Variants in ACACA observed in about 807,000 individuals in gnomAD.
ACACA encodes acetyl-CoA carboxylase 1.
ACACA carries 103 observed loss-of-function variants against 296.1 expected under a neutral mutation model. The ratio of observed to expected loss-of-function variants is 0.35; its 90% CI spans 0.30 to 0.41. The LOEUF is 0.41. ACACA is among the 10% of genes least tolerant of loss of function. ACACA has a pLI of 1.00. For synonymous variants in ACACA, 953 were observed against 1,038.6 expected, an observed-to-expected ratio of 0.92 and a Z score of 1.58; for missense variants, 1,554 against 2,989.7, an observed-to-expected ratio of 0.52 and a Z score of 11.20.
At chr17:37,398,105 C>T (rs1418985751) in intron 1 of ACACA, among the ~76,000 whole-genome samples, 3 of 151,060 alleles carry the variant, frequency 2.0e-5, no homozygotes, top group African/African-American at 7.3e-5. Flanking sequence ...TGGCGCGCGC[C>T]TGTACTCCCA....
intron 35 of ACACA, among the ~76,000 whole-genome samples, chr17:37,198,865 G>C (rs1397786460): frequency 2.6e-5 from 4 of 152,214 alleles, no homozygotes; most frequent in Non-Finnish European, 4.4e-5. Context: ...AGTTTAGAAA[G>C]TCCTTTCCAG....
intron 3 of ACACA, among the ~76,000 whole-genome samples, chr17:37,317,327 C>T (rs895878633): frequency 3.3e-5 from 5 of 151,786 alleles, no homozygotes; most frequent in South Asian, 2.1e-4. Context: ...CGGTGGCTGA[C>T]GCCTGTAATC....
At chr17:37,094,706 C>T (rs918100703) in intron 54 of ACACA, among the ~76,000 whole-genome samples, 2 of 152,022 alleles carry the variant, frequency 1.3e-5, no homozygotes, top group African/African-American at 4.8e-5. Context: ...TCACACTAAA[C>T]TAGGTCCTGC....
chr17:37,203,085 C>T (rs1358474441), intron 33 of ACACA, among the ~76,000 whole-genome samples: 1 of 151,900 alleles, frequency 6.6e-6, no homozygotes, highest in Non-Finnish European at 1.5e-5. Context: ...CCTTAGCCAC[C>T]CGAGTAGCTG....
chr17:37,178,866 A>G (rs1373500283), intron 41 of ACACA, among the ~76,000 whole-genome samples: 1 of 152,134 alleles, frequency 6.6e-6, no homozygotes, highest in African/African-American at 2.4e-5. Flanking sequence ...AGGGAAAATA[A>G]TCTATTTTCA....
intron 1 of ACACA, among the ~76,000 whole-genome samples, chr17:37,363,646 C>T (rs185596818): frequency 6.6e-6 from 1 of 152,226 alleles, no homozygotes; most frequent in Admixed American, 6.5e-5. Context: ...TCTCTCAAGT[C>T]AGGTTTGAGT....
In ACACA at chr17:37,382,845, C is replaced by A. The variant is rs141162910; in HGVS notation, c.38+23417G>T. On this transcript the variant is annotated intron_variant, in intron 1 of 55. Transcript: ENST00000616317. ...ACTGCACTCCAGCCTGGCGACAGAG[C>A]GAGACTCTGTCTCAAAAAACAAAAC... is the stretch of plus-strand genomic sequence containing the variant. 4.7e-3 allele frequency among the ~76,000 whole-genome samples: 718 copies of A among 151,916 alleles called. 7 individuals are homozygous for A. Among genetic ancestry groups the A allele is most frequent in the African/African-American group, 0.017 (687 of 41,418 alleles).
At chr17:37,339,914 GT>G in intron 1 of ACACA, 64 bp from the exon 2 acceptor site, 1 of 836,432 alleles carries the variant, frequency 1.2e-6, no homozygotes, top group South Asian at 1.5e-5. Flanking sequence ...GTCAATTCCT[GT>G]TTTGCTCAGC....
chr17:37,270,347 C>G (rs1235296524), intron 10 of ACACA, among the ~76,000 whole-genome samples: 1 of 152,146 alleles, frequency 6.6e-6, no homozygotes, highest in Non-Finnish European at 1.5e-5. Context: ...CCAAGAGCAA[C>G]CATATCAGTA....
At chr17:37,377,906 A>C (rs2050078849) in intron 1 of ACACA, 1 of 1,612,014 alleles carries the variant, frequency 6.2e-7, no homozygotes, top group Non-Finnish European at 8.5e-7. Context: ...TGCCGACTGG[A>C]ACAGCTGCCT....
intron 3 of ACACA, among the ~76,000 whole-genome samples, chr17:37,317,883 G>C (rs1334311921): frequency 6.6e-6 from 1 of 152,144 alleles, no homozygotes. Flanking sequence ...GGGAGGATGG[G>C]AGATGGAAAG....
chr17:37,183,200 C>T (rs1010278483), intron 39 of ACACA, among the ~76,000 whole-genome samples: 10 of 152,106 alleles, frequency 6.6e-5, no homozygotes, highest in Admixed American at 6.5e-4. Flanking sequence ...TTTGGCCAAG[C>T]TTTGTGATGA....
chr17:37,305,588 C>T (rs531261790), intron 3 of ACACA, among the ~76,000 whole-genome samples: 1 of 152,330 alleles, frequency 6.6e-6, no homozygotes, highest in East Asian at 1.9e-4. Context: ...TATCATGTCT[C>T]TTCTGTGCAT....
intron 5 of ACACA, among the ~76,000 whole-genome samples, chr17:37,282,744 A>G (rs932502871): frequency 6.6e-6 from 1 of 152,210 alleles, no homozygotes; most frequent in Non-Finnish European, 1.5e-5. Flanking sequence ...TCTTTCAGCT[A>G]TACCAACAGT....
At chr17:37,226,948 G>T (rs922957619) in intron 25 of ACACA, among the ~76,000 whole-genome samples, 1 of 151,680 alleles carries the variant, frequency 6.6e-6, no homozygotes. Flanking sequence ...AGAAACACAA[G>T]AATAAATTAT....
At chr17:37,202,000 T>C (rs2145285532) in intron 33 of ACACA, among the ~76,000 whole-genome samples, 1 of 152,294 alleles carries the variant, frequency 6.6e-6, no homozygotes, top group South Asian at 2.1e-4. Context: ...AGGCCAAATA[T>C]AAATAAATTT....
chr17:37,316,321 A>C (rs915395909), intron 3 of ACACA, among the ~76,000 whole-genome samples: 1 of 151,580 alleles, frequency 6.6e-6, no homozygotes, highest in Non-Finnish European at 1.5e-5. Context: ...ACACACACAC[A>C]CACACACACA....
intron 22 of ACACA, among the ~76,000 whole-genome samples, chr17:37,242,675 G>A (rs555430822): frequency 1.2e-4 from 18 of 152,202 alleles, no homozygotes; most frequent in African/African-American, 4.1e-4. Context: ...AGGCTACAGC[G>A]AGCCATGACC....
rs374181383 is a variant in ACACA at position 37,223,507 on chromosome 17, C to T, written c.3564+5G>A. ...AGGTCATGTCCCATTACCATAAATA[C>T]TTACCTCCAGAGCTGCCATCCTCAC... On this transcript the variant is annotated splice_donor_5th_base_variant and intron_variant, in intron 28 of 55. Coordinates refer to ENST00000616317, the MANE Select transcript of ACACA (RefSeq NM_198834.3). 3 of 1,594,480 alleles carry T rather than the reference C, an allele frequency of 1.9e-6. No individual in the cohort carries two copies. Among genetic ancestry groups the T allele is most frequent in the African/African-American group, 2.7e-5 (2 of 74,464 alleles).
Sources: gnomAD v4.1 joint callset for allele counts (sites outside exome capture counted in the v4.1 genomes callset) on GRCh38, gnomAD v4.1.1 for gene constraint, MANE v1.5 for transcripts, NCBI Gene and HGNC (gene_info 2026-07-23, HGNC 2026-07-21) for gene names.